ARSB: variants seen among roughly 807,000 people sequenced by gnomAD.
ARSB encodes the protein N-acetylgalactosamine-4-sulfatase.
In ARSB, 41 loss-of-function variants were observed where a neutral mutation model predicts 50.9. That is an observed-to-expected ratio of 0.81 (90% CI 0.63 to 1.04). ARSB has a LOEUF of 1.04. Among genes scored for constraint, ARSB ranks in the 50% least tolerant of loss-of-function variants. ARSB has a pLI of 0.00. For synonymous variants in ARSB, 269 were observed against 284.8 expected (o/e 0.94, Z 0.56); for missense variants, 672 against 693.3 (o/e 0.97, Z 0.35).
At chr5:78,850,608 T>C (rs1745720331) in intron 5 of ARSB, among the ~76,000 whole-genome samples, 1 of 152,228 alleles carries the variant, frequency 6.6e-6, no homozygotes, top group African/African-American at 2.4e-5. Context: ...CTTTTTCTAT[T>C]GATTGGAATA....
chr5:78,807,801 T>TA (rs1172967872), intron 6 of ARSB, among the ~76,000 whole-genome samples: 1 of 151,858 alleles, frequency 6.6e-6, no homozygotes, highest in Non-Finnish European at 1.5e-5. Context: ...CTCAAATACT[T>TA]AAAAAACATA....
rs1170365828 is a variant in ARSB at position 78,825,971 on chromosome 5, T to TAC, written c.1213+13383_1213+13384dup. ...ACAAGCATTAGCTATTACAATCAAG[T>TAC]ACCTCTGACATCTATCCAATCTTTT... On this transcript the variant is annotated intron_variant, in intron 6 of 7. Transcript: ENST00000264914. Among the ~76,000 whole-genome samples the TAC allele has an allele frequency of 3.9e-5, 6 of 152,256 alleles. No individual in the cohort carries two copies. The East Asian group carries it at 1.2e-3, about 29-fold the overall frequency.
chr5:78,893,752 G>C (rs1748441055), intron 4 of ARSB, among the ~76,000 whole-genome samples: 1 of 152,186 alleles, frequency 6.6e-6, no homozygotes, highest in Non-Finnish European at 1.5e-5. Flanking sequence ...CACTTAGGAG[G>C]TATGGGTAAT....
intron 6 of ARSB, among the ~76,000 whole-genome samples, chr5:78,793,949 A>G (rs1319735012): frequency 6.6e-6 from 1 of 151,882 alleles, no homozygotes; most frequent in Non-Finnish European, 1.5e-5. Context: ...GCATGGGAGG[A>G]AAGTGGAAAA....
rs1293017800 is a variant in ARSB at position 78,955,479 on chromosome 5, G to C, written c.714C>G (p.Leu238=). 6.2e-7 allele frequency: 1 copy of C among 1,614,098 alleles called. No individual in the cohort carries two copies. Among genetic ancestry groups the C allele is most frequent in the Middle Eastern group, 1.7e-4 (1 of 6,052 alleles). The change falls in exon 4 of 8, where the codon CTC becomes CTG. Residue 238 remains leucine, a synonymous_variant. Coordinates refer to ENST00000264914, the MANE Select transcript of ARSB (RefSeq NM_000046.5). ...CCTGAAGGGGCTCATGCACAGACTG[G>C]AGAGCAAGGTAGAGAAACAGAGGCT... ...PEKPLFLYLA[L]QSVHEPLQVP...
At chr5:78,945,656 C>A (rs1018962020) in intron 4 of ARSB, among the ~76,000 whole-genome samples, 1 of 152,226 alleles carries the variant, frequency 6.6e-6, no homozygotes, top group African/African-American at 2.4e-5. Flanking sequence ...TGCATGTGCA[C>A]AGGCCCCTTC....
rs772598526 is a variant in ARSB, at chr5:78,944,549, AC to A, written c.898+10745del. On this transcript the variant is annotated intron_variant, in intron 4 of 7. Transcript: ENST00000264914. ...GGAGTTTGCTGGAGGTCCACTCCAG[AC>A]CCTGTTTGCCTGGGTATCAGCAGTG... Among the ~76,000 whole-genome samples, 4 of 152,156 alleles carry A rather than the reference AC, an allele frequency of 2.6e-5. No individual in the cohort carries two copies. The East Asian group carries it at 5.8e-4, about 22-fold the overall frequency.
At chr5:78,865,042 G>T (rs2112116938) in intron 5 of ARSB, among the ~76,000 whole-genome samples, 1 of 152,302 alleles carries the variant, frequency 6.6e-6, no homozygotes, top group South Asian at 2.1e-4. Context: ...CAGGTGCATG[G>T]TGCAAGCTGT....
chr5:78,829,441 T>C (rs1744577121), intron 6 of ARSB, among the ~76,000 whole-genome samples: 1 of 152,232 alleles, frequency 6.6e-6, no homozygotes, highest in Admixed American at 6.5e-5. Context: ...TCATTTGTCC[T>C]TACTGCTTAT....
chr5:78,950,811 T>A (rs747506385), intron 4 of ARSB, among the ~76,000 whole-genome samples: 10 of 152,196 alleles, frequency 6.6e-5, no homozygotes, highest in South Asian at 2.1e-4. Flanking sequence ...ACATTCTGTG[T>A]GTGCAGATCC....
At chr5:78,846,572 A>G (rs978812876) in intron 5 of ARSB, among the ~76,000 whole-genome samples, 1 of 152,140 alleles carries the variant, frequency 6.6e-6, no homozygotes, top group African/African-American at 2.4e-5. Context: ...GCATATAGAA[A>G]TGCTACTGAT....
chr5:78,858,588 A>G (rs551097890), intron 5 of ARSB, among the ~76,000 whole-genome samples: 5 of 152,346 alleles, frequency 3.3e-5, no homozygotes, highest in African/African-American at 1.2e-4. Context: ...ATTACATTCC[A>G]TACTTCTTTT....
At chr5:78,979,660 A>T (rs999976396) in intron 1 of ARSB, among the ~76,000 whole-genome samples, 4 of 151,602 alleles carry the variant, frequency 2.6e-5, no homozygotes, top group African/African-American at 9.7e-5. Flanking sequence ...TTTCCTTTTC[A>T]CCCAATAAAA....
chr5:78,939,708 T>G (rs1317321493), intron 4 of ARSB, among the ~76,000 whole-genome samples: 2 of 152,186 alleles, frequency 1.3e-5, no homozygotes, highest in Admixed American at 6.5e-5. Context: ...TGGTTCCAAG[T>G]CTTTGCTATT....
intron 5 of ARSB, among the ~76,000 whole-genome samples, chr5:78,877,544 A>G (rs993196146): frequency 6.6e-6 from 1 of 152,056 alleles, no homozygotes; most frequent in African/African-American, 2.4e-5. Context: ...GCCCGCCACC[A>G]TGCTCAGCTA....
At chr5:78,977,214 C>T (rs549928219) in intron 1 of ARSB, among the ~76,000 whole-genome samples, 82 of 149,562 alleles carry the variant, frequency 5.5e-4, no homozygotes, top group Non-Finnish European at 8.0e-4. Context: ...AGTGCAGTGG[C>T]GCAATCTCGG....
At chr5:78,891,202 G>A (rs1454519361) in intron 4 of ARSB, among the ~76,000 whole-genome samples, 1 of 152,150 alleles carries the variant, frequency 6.6e-6, no homozygotes, top group Non-Finnish European at 1.5e-5. Flanking sequence ...TCACTGCATT[G>A]TTTTTTCTAA....
intron 1 of ARSB, among the ~76,000 whole-genome samples, chr5:78,976,044 A>G (rs540400853): frequency 6.6e-6 from 1 of 152,256 alleles, no homozygotes; most frequent in South Asian, 2.1e-4. Context: ...TTTTAAATTA[A>G]TATTTTTAAT....
At chr5:78,822,683 G>A (rs1483487103) in intron 6 of ARSB, among the ~76,000 whole-genome samples, 1 of 152,142 alleles carries the variant, frequency 6.6e-6, no homozygotes, top group Non-Finnish European at 1.5e-5. Flanking sequence ...TGTCACCCAG[G>A]CTGGAGTGCA....
Sources: allele counts gnomAD v4.1 joint callset (sites outside exome capture counted in the v4.1 genomes callset), GRCh38; gene constraint gnomAD v4.1.1; transcripts MANE v1.5; gene names NCBI Gene and HGNC (gene_info 2026-07-23, HGNC 2026-07-21).